Variants in PEAK1 observed in about 807,000 individuals in gnomAD.
The protein encoded by PEAK1 is inactive tyrosine-protein kinase PEAK1.
Under a neutral mutation model 124.7 loss-of-function variants are expected in PEAK1, and 54 were observed. The observed-to-expected ratio is 0.43, with a 90% CI of 0.35 to 0.54. The LOEUF is 0.54. Ranked by LOEUF, PEAK1 falls within the 20% of genes least tolerant of loss-of-function variation. The probability of loss-of-function intolerance (pLI) is 0.01; values close to 1 mark genes in which losing one functional copy is unlikely to be tolerated. For missense variants in PEAK1, 2,046 were observed against 2,134.5 expected (o/e 0.96, Z 0.82); for synonymous variants, 719 against 760.0 (o/e 0.95, Z 0.89).
chr15:77,404,284 A>G, intron 1 of PEAK1: 2 of 985,410 alleles, frequency 2.0e-6, no homozygotes, highest in Non-Finnish European at 2.4e-6. Context: ...ATACCTGCAA[A>G]GTGATATTTT....
rs145302438 is a variant in PEAK1 at position 77,390,033 on chromosome 15, A to G, written c.-665-24808T>C. On this transcript the variant is annotated intron_variant, in intron 1 of 9. Transcript: ENST00000682557. The stretch of plus-strand genomic sequence containing the variant: ...TTTTGTATTCATCATTAACCCTCAT[A>G]ACAACCCTATGAAGTGGATACTTTT... 4.8e-3 allele frequency among the ~76,000 whole-genome samples: 734 copies of G among 152,366 alleles called. 6 individuals are homozygous for G. The highest frequency in any genetic ancestry group is 0.017 in the African/African-American group (704 of 41,586).
chr15:77,113,625 T>C lies in PEAK1; in HGVS notation c.*531A>G, dbSNP rs886126175. On this transcript the variant is annotated 3_prime_UTR_variant, in exon 10 of 10. Transcript: ENST00000682557. Reference sequence around the variant, plus strand: ...CTGGAACAAAAGATATAGTCCCTGGTAACCAAAACTGGGCTGATGCTAAGG... The same window carrying C: ...CTGGAACAAAAGATATAGTCCCTGGCAACCAAAACTGGGCTGATGCTAAGG... The C allele has an allele frequency of 1.3e-5, 2 of 158,840 alleles. No homozygotes were observed. Among genetic ancestry groups the C allele is most frequent in the African/African-American group, 4.8e-5 (2 of 41,500 alleles). 9.8% of individuals were successfully genotyped at this position (158,840 alleles called of 1,614,324 possible). A position where few individuals can be genotyped will look rare whatever the true frequency, so the allele number is the denominator to read the frequency against.
At chr15:77,322,729 A>G (rs2065305495) in intron 2 of PEAK1, among the ~76,000 whole-genome samples, 1 of 152,332 alleles carries the variant, frequency 6.6e-6, no homozygotes, top group East Asian at 1.9e-4. Flanking sequence ...ATTCCTTCTG[A>G]AACTATTCCA....
chr15:77,401,724 G>C, intron 1 of PEAK1: 1 of 984,774 alleles, frequency 1.0e-6, no homozygotes, highest in Non-Finnish European at 1.2e-6. Flanking sequence ...ATGCAATTTG[G>C]TATACATTAA....
At chr15:77,349,940 C>T in intron 2 of PEAK1, 1 of 984,554 alleles carries the variant, frequency 1.0e-6, no homozygotes, top group Non-Finnish European at 1.2e-6. Flanking sequence ...AGAAAATATA[C>T]ATCTGCTCCA....
chr15:77,356,963 T>G (rs2067557414), intron 2 of PEAK1, among the ~76,000 whole-genome samples: 1 of 152,072 alleles, frequency 6.6e-6, no homozygotes, highest in Non-Finnish European at 1.5e-5. Flanking sequence ...GATACAGAAG[T>G]AAGTTTAAGA....
exon 7 of PEAK1, chr15:77,102,654 A>G (rs995017856): frequency 1.3e-5 from 2 of 152,164 alleles, no homozygotes; most frequent in Non-Finnish European, 2.9e-5. Flanking sequence ...CCCTTCTCAT[A>G]TAGTGATGTC....
chr15:77,416,779 T>C (rs2072917754), intron 1 of PEAK1, among the ~76,000 whole-genome samples: 1 of 152,226 alleles, frequency 6.6e-6, no homozygotes, highest in Admixed American at 6.5e-5. Context: ...TAGAAAATTA[T>C]GCACCAGATT....
intron 5 of PEAK1, among the ~76,000 whole-genome samples, chr15:77,253,808 T>C (rs1465941333): frequency 6.6e-6 from 1 of 152,176 alleles, no homozygotes; most frequent in African/African-American, 2.4e-5. Flanking sequence ...TTGAAGATTT[T>C]CTCTTTATCT....
intron 2 of PEAK1, chr15:77,337,536 A>G (rs2066277493): frequency 8.1e-6 from 8 of 985,126 alleles, no homozygotes; most frequent in Non-Finnish European, 9.6e-6. Context: ...CAAACAGAAG[A>G]TAAGATGTAG....
rs75492749 is a variant in PEAK1 at position 77,203,513 on chromosome 15, C to T, written c.-114-21473G>A. Among the ~76,000 whole-genome samples the T allele has an allele frequency of 4.1e-3, 626 of 152,142 alleles. 1 individual carries two copies. Among genetic ancestry groups the T allele is most frequent in the African/African-American group, 0.013 (533 of 41,508 alleles). ...GCAAAATTGGAGGACTGACATTACC[C>T]AACTTCAAGACATACTATAAAGCTA... is the stretch of plus-strand genomic sequence containing the variant. On this transcript the variant is annotated intron_variant, in intron 6 of 9. Coordinates refer to ENST00000682557, the MANE Select transcript of PEAK1 (RefSeq NM_001385026.1).
downstream of PEAK1, chr15:77,107,732 C>G (rs764715492): frequency 2.0e-5 from 3 of 152,296 alleles, no homozygotes; most frequent in Non-Finnish European, 2.9e-5. Flanking sequence ...GATGCAGTAC[C>G]AGGCCCTGTC....
At chr15:77,246,476 T>G (rs540720148) in intron 6 of PEAK1, among the ~76,000 whole-genome samples, 66 of 152,200 alleles carry the variant, frequency 4.3e-4, no homozygotes, top group African/African-American at 1.6e-3. Context: ...GTGAGCGGTC[T>G]GGACCTCCAG....
intron 8 of PEAK1, among the ~76,000 whole-genome samples, chr15:77,145,448 CAA>C (rs199518110): frequency 7.3e-6 from 1 of 137,672 alleles, no homozygotes. Context: ...GATTCCATCT[CAA>C]AAAAAAAAAA....
At chr15:77,411,825 T>G (rs376233530) in intron 1 of PEAK1, among the ~76,000 whole-genome samples, 51 of 152,180 alleles carry the variant, frequency 3.4e-4, no homozygotes, top group African/African-American at 1.2e-3. Flanking sequence ...CTACCCAGGC[T>G]GGTCTCAAAT....
intron 5 of PEAK1, among the ~76,000 whole-genome samples, chr15:77,265,031 C>A (rs1184553864): frequency 1.2e-4 from 19 of 152,214 alleles, no homozygotes; most frequent in South Asian, 2.1e-4. Context: ...ATAAATGGTG[C>A]TGGGAAAACT....
chr15:77,305,807 C>T (rs1169513374), intron 2 of PEAK1, among the ~76,000 whole-genome samples: 2 of 152,156 alleles, frequency 1.3e-5, no homozygotes, highest in East Asian at 1.9e-4. Flanking sequence ...TTTAAATCAT[C>T]TCTGGATTAC....
At chr15:77,128,631 G>A (rs775734597) in intron 9 of PEAK1, among the ~76,000 whole-genome samples, 1 of 152,162 alleles carries the variant, frequency 6.6e-6, no homozygotes, top group Non-Finnish European at 1.5e-5. Context: ...GACTTGCCAG[G>A]TTTTGGAATT....
At chr15:77,331,033 A>AT in intron 2 of PEAK1, 1 of 893,008 alleles carries the variant, frequency 1.1e-6, no homozygotes, top group East Asian at 1.2e-4. Context: ...TTTGTCATTT[A>AT]CTATTAGCAT....
Sources: allele counts gnomAD v4.1 joint callset (sites outside exome capture counted in the v4.1 genomes callset), GRCh38; gene constraint gnomAD v4.1.1; transcripts MANE v1.5; gene names NCBI Gene and HGNC (gene_info 2026-07-23, HGNC 2026-07-21).